Variants in CBFA2T3 observed in about 807,000 individuals in gnomAD.
CBFA2T3 encodes the protein CBFA2/RUNX1 partner transcriptional co-repressor 3, also known as transcriptional corepressor CBFA2T3.
In CBFA2T3, 31 loss-of-function variants were observed where a neutral mutation model predicts 58.6. That is an observed-to-expected ratio of 0.53 (90% CI 0.40 to 0.71). CBFA2T3 has a LOEUF of 0.71. Ranked by LOEUF, CBFA2T3 falls within the 30% of genes least tolerant of loss-of-function variation. CBFA2T3 has a pLI of 0.00. For missense variants in CBFA2T3, 1,076 were observed against 963.1 expected, an observed-to-expected ratio of 1.12 and a Z score of -1.55; for synonymous variants, 531 against 421.9, an observed-to-expected ratio of 1.26 and a Z score of -3.17.
intron 7 of CBFA2T3, chr16:88,884,702 C>T (rs1239865183): frequency 1.7e-5 from 4 of 237,408 alleles, no homozygotes; most frequent in Admixed American, 1.1e-4. Context: ...TTGGGACTCT[C>T]GTCTGGCCCA....
intron 1 of CBFA2T3, among the ~76,000 whole-genome samples, chr16:88,916,078 ATGTG>A (rs374839069): frequency 2.7e-5 from 4 of 149,316 alleles, no homozygotes; most frequent in Admixed American, 6.6e-5. Flanking sequence ...GTATTCATGC[ATGTG>A]TGTATTCATG....
chr16:88,877,228 G>A lies in CBFA2T3; in HGVS notation c.1710C>T (p.Cys570=), dbSNP rs1968872681. The change falls in exon 12 of 12, where the codon TGC becomes TGT. Residue 570 remains cysteine (C), a synonymous_variant. Coordinates refer to ENST00000268679, the MANE Select transcript of CBFA2T3 (RefSeq NM_005187.6). ...GRKASETCSG[C]NAARYCGSFC... ...AGGACCCGCAGTAGCGTGCCGCGTT[G>A]CAGCCGCTGCACGTCTCACTGGCTT... 3 of 1,555,710 alleles carry A rather than the reference G, an allele frequency of 1.9e-6. No homozygotes were observed. The highest frequency in any genetic ancestry group is 3.9e-5 in the Admixed American group (2 of 51,866).
chr16:88,887,493 T>C (rs1969426212), intron 5 of CBFA2T3, among the ~76,000 whole-genome samples: 1 of 152,060 alleles, frequency 6.6e-6, no homozygotes, highest in Non-Finnish European at 1.5e-5. Context: ...TGGGTGGGGC[T>C]GCATCCCCCA....
In CBFA2T3 at chr16:88,902,143, G is replaced by T. The variant is rs182746157; in HGVS notation, c.152-487C>A. The stretch of plus-strand genomic sequence containing the variant: ...CGCTGCTGCTGGTCTGGCCCTGGAA[G>T]CCATGGTTCTAAGAGTCCCTTCCAC... On this transcript the variant is annotated intron_variant, in intron 1 of 11. Transcript: ENST00000268679. 4.2e-3 allele frequency among the ~76,000 whole-genome samples: 647 copies of T among 152,338 alleles called. 9 individuals are homozygous for T. Among genetic ancestry groups the T allele is most frequent in the African/African-American group, 0.015 (630 of 41,570 alleles).
At chr16:88,883,635 C>A (rs1404486853) in intron 7 of CBFA2T3, 1 of 151,326 alleles carries the variant, frequency 6.6e-6, no homozygotes, top group Non-Finnish European at 1.5e-5. Context: ...GTGAGTGACG[C>A]CCGGCAGTGG....
chr16:88,919,497 C>T (rs1381126564), intron 1 of CBFA2T3, among the ~76,000 whole-genome samples: 2 of 152,202 alleles, frequency 1.3e-5, no homozygotes, highest in African/African-American at 4.8e-5. Context: ...TCAGCGTGGC[C>T]TCAGGCGCTG....
intron 1 of CBFA2T3, among the ~76,000 whole-genome samples, chr16:88,909,887 T>C (rs1425961516): frequency 6.6e-6 from 1 of 152,208 alleles, no homozygotes; most frequent in Non-Finnish European, 1.5e-5. Context: ...AGCCGTCCAG[T>C]GCAGTAAACC....
At chr16:88,924,618 C>T (rs1329064576) in intron 1 of CBFA2T3, among the ~76,000 whole-genome samples, 3 of 152,312 alleles carry the variant, frequency 2.0e-5, no homozygotes, top group South Asian at 4.2e-4. Context: ...CCCTGCAAGG[C>T]AGCACAGGAC....
intron 11 of CBFA2T3, among the ~76,000 whole-genome samples, chr16:88,878,540 A>G (rs537440368): frequency 6.6e-6 from 1 of 152,358 alleles, no homozygotes; most frequent in East Asian, 1.9e-4. Flanking sequence ...CACGGGCACA[A>G]GCATCGTAAT....
intron 5 of CBFA2T3, chr16:88,886,350 A>C (rs911288364): frequency 4.7e-6 from 2 of 425,372 alleles, no homozygotes; most frequent in African/African-American, 4.1e-5. Context: ...AGAGCTTCGC[A>C]GGAGTGCCTC....
chr16:88,922,354 C>T (rs921565921), intron 1 of CBFA2T3, among the ~76,000 whole-genome samples: 8 of 152,260 alleles, frequency 5.3e-5, no homozygotes, highest in Non-Finnish European at 7.3e-5. Context: ...GGATCCTCCC[C>T]GGGAAGACTG....
chr16:88,967,285 G>A (rs991282724), intron 1 of CBFA2T3, among the ~76,000 whole-genome samples: 2 of 152,056 alleles, frequency 1.3e-5, no homozygotes, highest in Non-Finnish European at 2.9e-5. Context: ...AGTCAGCCTC[G>A]CAGGTGTCGA....
In CBFA2T3 at chr16:88,911,978, G is replaced by C. The variant is rs574231616; in HGVS notation, c.152-10322C>G. 9.5e-4 allele frequency among the ~76,000 whole-genome samples: 145 copies of C among 152,364 alleles called. 1 individual carries two copies. Among genetic ancestry groups the C allele is most frequent in the African/African-American group, 3.4e-3 (141 of 41,594 alleles). On this transcript the variant is annotated intron_variant, in intron 1 of 11. Transcript: ENST00000268679. ...CGGCTGCCATCACCAACACGAACAG[G>C]TACCCAGGGCATGCCTTCAGCCGGC...
chr16:88,932,602 G>A (rs1050176507), intron 1 of CBFA2T3, among the ~76,000 whole-genome samples: 7 of 151,786 alleles, frequency 4.6e-5, no homozygotes, highest in Non-Finnish European at 8.8e-5. Context: ...AGCCATGATC[G>A]CACCACTGCA....
At chr16:88,923,733 T>C (rs899890500) in intron 1 of CBFA2T3, among the ~76,000 whole-genome samples, 6 of 152,104 alleles carry the variant, frequency 3.9e-5, no homozygotes, top group Non-Finnish European at 7.4e-5. Context: ...GGCTCCGACA[T>C]GGAGGTCGGC....
At chr16:88,943,204 G>C (rs1363776576) in intron 1 of CBFA2T3, among the ~76,000 whole-genome samples, 2 of 152,238 alleles carry the variant, frequency 1.3e-5, no homozygotes, top group Non-Finnish European at 2.9e-5. Flanking sequence ...GAAGTCAGTC[G>C]GGTTGTGAGC....
chr16:88,909,702 C>T (rs555187585), intron 1 of CBFA2T3, among the ~76,000 whole-genome samples: 1 of 152,332 alleles, frequency 6.6e-6, no homozygotes, highest in South Asian at 2.1e-4. Context: ...GAGAGTCATC[C>T]GTCCACGGCC....
intron 7 of CBFA2T3, chr16:88,883,799 G>A (rs950953637): frequency 1.3e-5 from 2 of 152,080 alleles, no homozygotes; most frequent in South Asian, 2.1e-4. Flanking sequence ...CGTGAGTGAC[G>A]CCCGGCAGTG....
chr16:88,944,259 C>A (rs1023372249), intron 1 of CBFA2T3, among the ~76,000 whole-genome samples: 1 of 151,082 alleles, frequency 6.6e-6, no homozygotes, highest in African/African-American at 2.4e-5. Context: ...ATGGCCTGAA[C>A]CCGGGAGGCA....
Sources: allele counts gnomAD v4.1 joint callset (sites outside exome capture counted in the v4.1 genomes callset), GRCh38; gene constraint gnomAD v4.1.1; transcripts MANE v1.5; gene names NCBI Gene and HGNC (gene_info 2026-07-23, HGNC 2026-07-21).